The following FOXP2 variants were observed in gnomAD, a reference collection of about 807,000 sequenced individuals.
FOXP2 encodes forkhead box P2, also known as forkhead box protein P2.
In FOXP2, 12 loss-of-function variants were observed where a neutral mutation model predicts 115.8. The observed-to-expected ratio is 0.10, with a 90% confidence interval of 0.07 to 0.17. The LOEUF is 0.17. Ranked by LOEUF, FOXP2 falls within the 10% of genes least tolerant of loss-of-function variation. The probability of loss-of-function intolerance (pLI) is 1.00; values close to 1 mark genes in which losing one functional copy is unlikely to be tolerated. For synonymous variants in FOXP2, 328 were observed against 297.7 expected, an observed-to-expected ratio of 1.10 and a Z score of -1.05; for missense variants, 629 against 843.5, an observed-to-expected ratio of 0.75 and a Z score of 3.15.
At chr7:114,204,180 A>G (rs1466422254) in intron 1 of FOXP2, among the ~76,000 whole-genome samples, 1 of 152,264 alleles carries the variant, frequency 6.6e-6, no homozygotes, top group Admixed American at 6.5e-5. Context: ...AACCACATTA[A>G]CAAAATAAAA....
At chr7:114,568,741 T>C (rs78716697) in intron 3 of FOXP2, among the ~76,000 whole-genome samples, 14,090 of 151,856 alleles carry the variant, frequency 0.093, 696 homozygotes, top group Middle Eastern at 0.16. Context: ...GGGATGTTTA[T>C]GTTTAAGGGA....
intron 1 of FOXP2, among the ~76,000 whole-genome samples, chr7:114,196,082 G>A (rs756295714): frequency 2.0e-5 from 3 of 152,056 alleles, no homozygotes; most frequent in African/African-American, 7.2e-5. Flanking sequence ...GCGTGATCTC[G>A]GCTCACTGTA....
At chr7:114,217,662 C>A (rs2129163040) in intron 1 of FOXP2, among the ~76,000 whole-genome samples, 1 of 152,278 alleles carries the variant, frequency 6.6e-6, no homozygotes, top group South Asian at 2.1e-4. Context: ...TAGGTGTGGT[C>A]TTGCCACTGG....
intron 2 of FOXP2, among the ~76,000 whole-genome samples, chr7:114,480,935 C>T (rs1166853514): frequency 6.6e-6 from 1 of 150,948 alleles, no homozygotes; most frequent in Non-Finnish European, 1.5e-5. Flanking sequence ...CACTTAACTC[C>T]CAGTATTCTC....
intron 2 of FOXP2, among the ~76,000 whole-genome samples, chr7:114,337,934 T>G (rs1482783365): frequency 2.0e-5 from 3 of 151,276 alleles, no homozygotes; most frequent in Non-Finnish European, 4.5e-5. Context: ...ACATTAGAAA[T>G]GAAGGCATAT....
At chr7:114,549,941 T>C (rs1307437713) in intron 3 of FOXP2, among the ~76,000 whole-genome samples, 1 of 152,092 alleles carries the variant, frequency 6.6e-6, no homozygotes, top group African/African-American at 2.4e-5. Flanking sequence ...TTTTCTTTTA[T>C]GTGGTTTCTT....
At chr7:114,250,979 G>T (rs1395332916) in intron 1 of FOXP2, among the ~76,000 whole-genome samples, 2 of 152,074 alleles carry the variant, frequency 1.3e-5, no homozygotes, top group African/African-American at 4.8e-5. Flanking sequence ...TTTGTATAAG[G>T]AAAAAGAAGG....
Position 114,245,325 on chromosome 7 carries a change from T to G in FOXP2, c.-101-42694T>G, listed in dbSNP as rs116961407. On this transcript the variant is annotated intron_variant, in intron 1 of 17. Coordinates refer to the FOXP2 transcript ENST00000634411. ...TGAATACATGCATATTTATACCTAT[T>G]CATGAGAAGAATGAGAAAAATAGAA... is the stretch of plus-strand genomic sequence containing the variant. 2.0e-5 allele frequency among the ~76,000 whole-genome samples: 3 copies of G among 152,196 alleles called. No homozygotes were observed. The South Asian group carries it at 6.2e-4, about 31-fold the overall frequency.
chr7:114,162,289 G>A (rs1378413284), upstream of FOXP2, among the ~76,000 whole-genome samples: 1 of 151,782 alleles, frequency 6.6e-6, no homozygotes, highest in African/African-American at 2.4e-5. Flanking sequence ...TTGTAAATTT[G>A]TTTGAGAATT....
intron 2 of FOXP2, among the ~76,000 whole-genome samples, chr7:114,339,577 G>A (rs1217170864): frequency 6.6e-6 from 1 of 151,058 alleles, no homozygotes; most frequent in African/African-American, 2.4e-5. Flanking sequence ...TTTATTTCAG[G>A]AGCAGCTGGG....
At chr7:114,522,918 A>G (rs1004278841) in intron 2 of FOXP2, among the ~76,000 whole-genome samples, 13 of 152,030 alleles carry the variant, frequency 8.6e-5, no homozygotes, top group African/African-American at 2.9e-4. Context: ...TTACACAGGC[A>G]TATATATGCT....
At chr7:114,534,227 A>AG (rs1461816749) in intron 2 of FOXP2, among the ~76,000 whole-genome samples, 4 of 151,892 alleles carry the variant, frequency 2.6e-5, no homozygotes, top group Non-Finnish European at 5.9e-5. Context: ...TAACACTTGA[A>AG]GTCTACTGCT....
chr7:114,460,763 A>G (rs560841968), intron 2 of FOXP2, among the ~76,000 whole-genome samples: 1 of 152,338 alleles, frequency 6.6e-6, no homozygotes, highest in South Asian at 2.1e-4. Flanking sequence ...AATGATTTGT[A>G]CACATGAAAT....
At chr7:114,551,492 A>C (rs1295750484) in intron 3 of FOXP2, among the ~76,000 whole-genome samples, 5 of 152,172 alleles carry the variant, frequency 3.3e-5, no homozygotes, top group Admixed American at 3.3e-4. Flanking sequence ...CCCATCACTT[A>C]CAGATGAGCA....
chr7:114,678,712 T>C (rs533728836), intron 16 of FOXP2, among the ~76,000 whole-genome samples: 2 of 152,192 alleles, frequency 1.3e-5, no homozygotes, highest in South Asian at 4.2e-4. Flanking sequence ...TCAATGTTAT[T>C]GTGGCCATTG....
chr7:114,505,266 T>C (rs569759290), intron 2 of FOXP2, among the ~76,000 whole-genome samples: 11 of 151,710 alleles, frequency 7.3e-5, no homozygotes, highest in African/African-American at 2.6e-4. Context: ...CATTCTCATA[T>C]AAATAATGTG....
At chr7:114,357,020 A>G (rs1791633405) in intron 2 of FOXP2, among the ~76,000 whole-genome samples, 1 of 152,184 alleles carries the variant, frequency 6.6e-6, no homozygotes, top group South Asian at 2.1e-4. Context: ...AGCCTTGATC[A>G]CAGCTTTTAG....
chr7:114,257,669 G>T (rs1299179311), intron 1 of FOXP2, among the ~76,000 whole-genome samples: 1 of 151,996 alleles, frequency 6.6e-6, no homozygotes, highest in African/African-American at 2.4e-5. Context: ...TAGCCAGGAT[G>T]CTCTTGATTT....
Position 114,415,349 on chromosome 7 carries a change from T to C in FOXP2, c.-22T>C, listed in dbSNP as rs1447331358. On this transcript the variant is annotated 5_prime_UTR_variant, in exon 1 of 17. Coordinates refer to ENST00000350908, the MANE Select transcript of FOXP2 (RefSeq NM_014491.4). The stretch of plus-strand genomic sequence containing the variant: ...TGAAACCGGGAAGTTTGCTCTAACA[T>C]TTCCAGAGAAGGTACGTTACTTTTT... The C allele has an allele frequency of 2.2e-6, 1 of 450,954 alleles. No individual in the cohort carries two copies. Among genetic ancestry groups the C allele is most frequent in the African/African-American group, 2.0e-5 (1 of 49,734 alleles). The allele number at this position is 450,954 out of a possible 1,614,324, so 27.9% of individuals were successfully genotyped here. A position where few individuals can be genotyped will look rare whatever the true frequency, so the allele number is the denominator to read the frequency against.
Sources: gnomAD v4.1 joint callset for allele counts (sites outside exome capture counted in the v4.1 genomes callset) on GRCh38, gnomAD v4.1.1 for gene constraint, MANE v1.5 for transcripts, NCBI Gene and HGNC (gene_info 2026-07-23, HGNC 2026-07-21) for gene names.